Variants in EYA4 observed in about 807,000 individuals in gnomAD.
EYA4 encodes protein phosphatase EYA4.
Under a neutral mutation model 87.9 loss-of-function variants are expected in EYA4, and 31 were observed. The observed-to-expected ratio is 0.35, with a 90% CI of 0.27 to 0.48. EYA4 has a LOEUF of 0.48. Among genes scored for constraint, EYA4 ranks in the 20% least tolerant of loss-of-function variants. The pLI is 0.99. For synonymous variants in EYA4, 263 were observed against 270.6 expected (o/e 0.97, Z 0.28); for missense variants, 678 against 761.4 (o/e 0.89, Z 1.29).
At chr6:133,491,804 T>C (rs1797181567) in intron 13 of EYA4, among the ~76,000 whole-genome samples, 1 of 151,490 alleles carries the variant, frequency 6.6e-6, no homozygotes, top group Non-Finnish European at 1.5e-5. Context: ...TACAAAAAAT[T>C]AGCCAGGCAT....
chr6:133,481,806 A>G (rs1016955813), intron 12 of EYA4, among the ~76,000 whole-genome samples: 1 of 152,230 alleles, frequency 6.6e-6, no homozygotes, highest in African/African-American at 2.4e-5. Context: ...AAATAACAGT[A>G]TAAAAATGAT....
intron 2 of EYA4, among the ~76,000 whole-genome samples, chr6:133,285,910 G>A (rs1276545340): frequency 2.6e-5 from 4 of 152,186 alleles, no homozygotes; most frequent in Non-Finnish European, 5.9e-5. Flanking sequence ...ACAGGTTGGG[G>A]TTGCAGATCA....
At chr6:133,291,180 A>G (rs995682669) in intron 2 of EYA4, among the ~76,000 whole-genome samples, 10 of 152,216 alleles carry the variant, frequency 6.6e-5, no homozygotes, top group African/African-American at 1.9e-4. Context: ...TGGGCCTTTT[A>G]TGTAACAGAG....
At chr6:133,433,881 G>A (rs1791407763) in intron 3 of EYA4, among the ~76,000 whole-genome samples, 1 of 152,188 alleles carries the variant, frequency 6.6e-6, no homozygotes. Flanking sequence ...GAGGACACAG[G>A]GCTCTCAAGC....
intron 1 of EYA4, among the ~76,000 whole-genome samples, chr6:133,243,620 C>T (rs577053060): frequency 7.6e-4 from 113 of 148,514 alleles, no homozygotes; most frequent in Non-Finnish European, 1.3e-3. Context: ...AATTCCTTTC[C>T]CGGGTACGGT....
chr6:133,444,223 G>A (rs1001367749), intron 3 of EYA4, among the ~76,000 whole-genome samples: 21 of 152,076 alleles, frequency 1.4e-4, no homozygotes, highest in East Asian at 1.9e-4. Context: ...TCTGCTTGTA[G>A]GCACATGTTA....
chr6:133,516,408 T>C (rs961997382), intron 17 of EYA4, among the ~76,000 whole-genome samples: 2 of 152,026 alleles, frequency 1.3e-5, no homozygotes, highest in African/African-American at 4.8e-5. Context: ...TCTGTCAGCA[T>C]TTCCATTAAG....
chr6:133,403,477 AGG>A (rs887779854), intron 3 of EYA4, among the ~76,000 whole-genome samples: 4 of 152,202 alleles, frequency 2.6e-5, no homozygotes, highest in African/African-American at 9.7e-5. Context: ...CTTTAACCAC[AGG>A]GGGAAAAAAT....
chr6:133,250,654 A>G (rs1774821012), intron 1 of EYA4, among the ~76,000 whole-genome samples: 1 of 152,072 alleles, frequency 6.6e-6, no homozygotes. Flanking sequence ...AAATAAATAA[A>G]TAAATAAAAA....
chr6:133,275,527 C>T (rs1777093626), intron 2 of EYA4, among the ~76,000 whole-genome samples: 1 of 150,528 alleles, frequency 6.6e-6, no homozygotes. Flanking sequence ...AGAGTGTGTT[C>T]TGCAGTCTGA....
At chr6:133,450,790 C>T (rs758426644) in intron 5 of EYA4, among the ~76,000 whole-genome samples, 1 of 152,198 alleles carries the variant, frequency 6.6e-6, no homozygotes, top group Non-Finnish European at 1.5e-5. Context: ...GGATTACAGG[C>T]GTGGGCCACT....
chr6:133,300,674 C>A (rs1779336391), intron 2 of EYA4, among the ~76,000 whole-genome samples: 1 of 152,070 alleles, frequency 6.6e-6, no homozygotes, highest in African/African-American at 2.4e-5. Flanking sequence ...GCTACCATGC[C>A]TGGCTAATTT....
intron 2 of EYA4, among the ~76,000 whole-genome samples, chr6:133,330,664 G>A (rs1424618956): frequency 6.6e-6 from 1 of 151,408 alleles, no homozygotes; most frequent in Non-Finnish European, 1.5e-5. Flanking sequence ...ATGTTTAGCT[G>A]GTAATTTTTG....
chr6:133,512,649 G>T, intron 14 of EYA4, 72 bp from the exon 15 acceptor site: 1 of 1,175,146 alleles, frequency 8.5e-7, no homozygotes, highest in Non-Finnish European at 1.3e-6. Context: ...CAGATGAGAA[G>T]ATGGGAAAAC....
At chr6:133,456,758 T>C in intron 6 of EYA4, 110 bp downstream of exon 6, 2 of 719,922 alleles carry the variant, frequency 2.8e-6, no homozygotes, top group Non-Finnish European at 5.0e-6. Flanking sequence ...TTGATCCTTA[T>C]AAAGTTAGAA....
intron 3 of EYA4, among the ~76,000 whole-genome samples, chr6:133,442,162 T>C (rs1792367848): frequency 6.6e-6 from 1 of 152,150 alleles, no homozygotes; most frequent in South Asian, 2.1e-4. Flanking sequence ...ATTTACTGTG[T>C]TTTCTGTCCA....
intron 3 of EYA4, among the ~76,000 whole-genome samples, chr6:133,393,798 T>C (rs1167702161): frequency 6.6e-6 from 1 of 152,208 alleles, no homozygotes; most frequent in African/African-American, 2.4e-5. Flanking sequence ...GGAACACCTC[T>C]CTCTGCCACA....
intron 6 of EYA4, 63 bp downstream of exon 6, chr6:133,456,711 G>A (rs988822528): frequency 9.2e-6 from 9 of 978,144 alleles, no homozygotes; most frequent in African/African-American, 6.4e-5. Context: ...CCTCCTCCTC[G>A]GGAATAAGCA....
chr6:133,411,208 A>G (rs1789202151), intron 3 of EYA4, among the ~76,000 whole-genome samples: 1 of 152,196 alleles, frequency 6.6e-6, no homozygotes, highest in African/African-American at 2.4e-5. Flanking sequence ...GTTTTTGAAC[A>G]TACACTCTAT....
Sources: allele counts gnomAD v4.1 joint callset (sites outside exome capture counted in the v4.1 genomes callset), GRCh38; gene constraint gnomAD v4.1.1; transcripts MANE v1.5; gene names NCBI Gene and HGNC (gene_info 2026-07-23, HGNC 2026-07-21).